The following PTPRA variants were observed in gnomAD, a reference collection of about 807,000 sequenced individuals.
PTPRA encodes the protein protein tyrosine phosphatase receptor type A.
PTPRA carries 25 observed loss-of-function variants against 104.8 expected under a neutral mutation model. The ratio of observed to expected loss-of-function variants is 0.24; its 90% CI spans 0.17 to 0.33. The LOEUF (loss-of-function observed/expected upper bound fraction) is 0.33. Ranked by LOEUF, PTPRA falls within the 10% of genes least tolerant of loss-of-function variation. The probability of loss-of-function intolerance (pLI) is 1.00; values close to 1 mark genes in which losing one functional copy is unlikely to be tolerated. For synonymous variants in PTPRA, 323 were observed against 368.9 expected, an observed-to-expected ratio of 0.88 and a Z score of 1.43; for missense variants, 765 against 1,015.3, an observed-to-expected ratio of 0.75 and a Z score of 3.35.
upstream of PTPRA, among the ~76,000 whole-genome samples, chr20:2,872,662 T>C (rs1600027915): frequency 6.6e-6 from 1 of 152,326 alleles, no homozygotes; most frequent in East Asian, 1.9e-4. The surrounding 1 kb of genome is among the most constrained non-coding windows in gnomAD (Gnocchi z 7.9). Flanking sequence ...TGTAGGAACC[T>C]GCTGCCGCTG....
At chr20:2,951,215 T>C (rs2061343072) in intron 3 of PTPRA, among the ~76,000 whole-genome samples, 1 of 152,140 alleles carries the variant, frequency 6.6e-6, no homozygotes, top group African/African-American at 2.4e-5. Flanking sequence ...TTCTCCTACC[T>C]CTGCCTCCCG....
At chr20:2,864,770 T>G in the PTPRA span, 7 of 1,226,938 alleles carry the variant, frequency 5.7e-6, no homozygotes, top group East Asian at 1.7e-4. This position sits in a 1 kb window ranked among gnomAD's most constrained non-coding sequence, Gnocchi z 5.2. Flanking sequence ...TGGTCCTCAC[T>G]GTGAGGGAGA....
chr20:2,909,586 A>G (rs2059549208), intron 1 of PTPRA, among the ~76,000 whole-genome samples: 1 of 151,822 alleles, frequency 6.6e-6, no homozygotes. Flanking sequence ...TCTCCAAAAA[A>G]AACCAAAACA....
chr20:2,869,440 C>A (rs1421056925), upstream of PTPRA, among the ~76,000 whole-genome samples: 2 of 152,112 alleles, frequency 1.3e-5, no homozygotes, highest in South Asian at 4.1e-4. Flanking sequence ...CATTTAAAAA[C>A]CAGAACTGGG....
At chr20:2,984,629 GAT>G (rs2062824350) in intron 6 of PTPRA, among the ~76,000 whole-genome samples, 1 of 152,050 alleles carries the variant, frequency 6.6e-6, no homozygotes, top group East Asian at 1.9e-4. Flanking sequence ...AAAGCCCTTC[GAT>G]GACATAGTGT....
chr20:2,951,002 C>A (rs999209166), intron 3 of PTPRA, among the ~76,000 whole-genome samples: 2 of 152,148 alleles, frequency 1.3e-5, no homozygotes, highest in African/African-American at 2.4e-5. Flanking sequence ...GGTCTGTTTT[C>A]TGCCACTATA....
At chr20:2,869,569 A>T (rs1472377261), upstream of PTPRA, among the ~76,000 whole-genome samples, 1 of 152,232 alleles carries the variant, frequency 6.6e-6, no homozygotes, top group African/African-American at 2.4e-5. Flanking sequence ...AGTTTCGTCC[A>T]ATGTATGACG....
chr20:3,037,664 A>G lies in PTPRA; in HGVS notation c.2334+375A>G, dbSNP rs568705567. The stretch of plus-strand genomic sequence containing the variant: ...ATCCACAGAGGTTTTCCTGAATCCC[A>G]TGGAGCTAGAAATGTTTGGGGGGTA... On this transcript the variant is annotated intron_variant, in intron 23 of 23. Transcript: ENST00000399903. The surrounding 1 kb of genome is among the most constrained non-coding windows in gnomAD (Gnocchi z 4.3). Among the ~76,000 whole-genome samples the G allele has an allele frequency of 2.0e-5, 3 of 152,354 alleles. No homozygotes were observed. The highest frequency in any genetic ancestry group is 2.1e-4 in the South Asian group (1 of 4,832).
intron 9 of PTPRA, among the ~76,000 whole-genome samples, chr20:3,000,040 C>T (rs1278526157): frequency 1.3e-5 from 2 of 152,068 alleles, no homozygotes; most frequent in Non-Finnish European, 2.9e-5. Context: ...AATCCCAGCA[C>T]TTTGGGAGGC....
At chr20:2,884,660 A>G (rs776371333) in intron 1 of PTPRA, among the ~76,000 whole-genome samples, 2 of 152,170 alleles carry the variant, frequency 1.3e-5, no homozygotes, top group Admixed American at 6.6e-5. Flanking sequence ...ATTTTTAGAT[A>G]TAAGTCCCAT....
intron 2 of PTPRA, among the ~76,000 whole-genome samples, chr20:2,928,982 A>C (rs972595950): frequency 7.2e-5 from 11 of 151,902 alleles, no homozygotes; most frequent in African/African-American, 2.7e-4. Context: ...GGCATGCGCT[A>C]CTACACCCAG....
rs2062064583 is a variant in PTPRA, at chr20:2,969,254, T to A, written c.415+4052T>A. Among the ~76,000 whole-genome samples, 3 of 23,854 alleles carry A rather than the reference T, an allele frequency of 1.3e-4. No individual in the cohort carries two copies. In the South Asian group the frequency reaches 8.0e-3, roughly 63 times the overall value. The allele number at this position is 23,854 out of a possible 152,430, so 15.6% of individuals were successfully genotyped here. A position where few individuals can be genotyped will look rare whatever the true frequency, so the allele number is the denominator to read the frequency against. On this transcript the variant is annotated intron_variant, in intron 5 of 23. Coordinates refer to ENST00000399903, the MANE Select transcript of PTPRA (RefSeq NM_001385305.1). ...TGACAAGTAAAAAGGTAGAATACCT[T>A]TTTTTTTTTCTTTGAGACAGTCTCA...
chr20:2,897,193 G>A (rs1367651327), intron 1 of PTPRA, among the ~76,000 whole-genome samples: 3 of 152,242 alleles, frequency 2.0e-5, no homozygotes, highest in African/African-American at 7.2e-5. Flanking sequence ...ATACTTACTG[G>A]TTAGTAAGTA....
intron 2 of PTPRA, among the ~76,000 whole-genome samples, chr20:2,925,624 G>A (rs953333178): frequency 2.6e-5 from 4 of 152,094 alleles, no homozygotes; most frequent in African/African-American, 9.7e-5. Flanking sequence ...GACCAGCTTG[G>A]ACAACATGGC....
chr20:2,955,979 C>G (rs2147848784), intron 3 of PTPRA, among the ~76,000 whole-genome samples: 1 of 152,272 alleles, frequency 6.6e-6, no homozygotes, highest in East Asian at 1.9e-4. Flanking sequence ...CCACATTCCC[C>G]AAAACTGGTC....
chr20:3,030,594 A>G (rs1014041872), intron 20 of PTPRA, among the ~76,000 whole-genome samples: 4 of 152,142 alleles, frequency 2.6e-5, no homozygotes, highest in African/African-American at 9.7e-5. Flanking sequence ...CCCAGAGAAA[A>G]AAATTCGATC....
chr20:2,872,644 G>T (rs1469836327), upstream of PTPRA, among the ~76,000 whole-genome samples: 1 of 152,238 alleles, frequency 6.6e-6, no homozygotes, highest in African/African-American at 2.4e-5. The surrounding 1 kb of genome is among the most constrained non-coding windows in gnomAD (Gnocchi z 7.9). Context: ...AGCACCCGCG[G>T]GGATCCGTGT....
rs776061881 is a variant in PTPRA at position 3,024,627 on chromosome 20, T to C, written c.1614+6T>C. On this transcript the variant is annotated splice_donor_region_variant and intron_variant, in intron 17 of 23. Transcript: ENST00000399903. Reference sequence around the variant, plus strand: ...GATTAGAGGAGGAGTTTAAGGTGAGTTGGAGCTGGATAACCTCCTTCAGAT... The same window carrying C: ...GATTAGAGGAGGAGTTTAAGGTGAGCTGGAGCTGGATAACCTCCTTCAGAT... 1.9e-6 allele frequency: 3 copies of C among 1,613,986 alleles called. No homozygotes were observed. Among genetic ancestry groups the C allele is most frequent in the East Asian group, 2.2e-5 (1 of 44,878 alleles).
chr20:2,952,322 T>A (rs115358945), intron 3 of PTPRA, among the ~76,000 whole-genome samples: 3,120 of 152,272 alleles, frequency 0.02, 108 homozygotes, highest in African/African-American at 0.07. Flanking sequence ...ATTAATAGTT[T>A]GCAGCATCTT....
Sources: gnomAD v4.1 joint callset for allele counts (sites outside exome capture counted in the v4.1 genomes callset) on GRCh38, gnomAD v4.1.1 for gene constraint, Gnocchi (gnomAD v3.1) non-coding constraint, MANE v1.5 for transcripts, NCBI Gene and HGNC (gene_info 2026-07-23, HGNC 2026-07-21) for gene names.